PDE2A: variants seen among roughly 807,000 people sequenced by gnomAD.
PDE2A encodes cGMP-dependent 3',5'-cyclic phosphodiesterase.
Under a neutral mutation model 133.6 loss-of-function variants are expected in PDE2A, and 53 were observed. The ratio of observed to expected loss-of-function variants is 0.40; its 90% CI spans 0.32 to 0.50. The LOEUF (loss-of-function observed/expected upper bound fraction) is 0.50. PDE2A is among the 20% of genes least tolerant of loss of function. The pLI, the probability that PDE2A is intolerant of heterozygous loss-of-function variation, is 0.73. For missense variants in PDE2A, 796 were observed against 1,232.4 expected (o/e 0.65, Z 5.30); for synonymous variants, 491 against 490.2 (o/e 1.00, Z -0.02).
At chr11:72,599,933 G>C (rs935942407) in intron 4 of PDE2A, among the ~76,000 whole-genome samples, 1 of 152,238 alleles carries the variant, frequency 6.6e-6, no homozygotes, top group Non-Finnish European at 1.5e-5. Context: ...TGGAGTCAGA[G>C]AAGGCTTCCT....
intron 13 of PDE2A, chr11:72,587,653 G>A (rs1387043909): frequency 6.6e-6 from 1 of 152,188 alleles, no homozygotes; most frequent in African/African-American, 2.4e-5. Flanking sequence ...GGTCAGCACT[G>A]GGATGGCAAC....
intron 2 of PDE2A, among the ~76,000 whole-genome samples, chr11:72,640,358 G>A (rs1181928946): frequency 6.6e-6 from 1 of 151,648 alleles, no homozygotes; most frequent in Admixed American, 6.6e-5. Context: ...AGCGCTGCTG[G>A]CCCACTGCCT....
In PDE2A at chr11:72,590,591, C is replaced by G. The variant is rs1434322769; in HGVS notation, c.550-11G>C. 5.1e-6 allele frequency: 7 copies of G among 1,360,270 alleles called. No homozygotes were observed. The African/African-American group carries it at 9.2e-5, about 18-fold the overall frequency. 84.3% of individuals were successfully genotyped at this position (1,360,270 alleles called of 1,614,324 possible). A position where few individuals can be genotyped will look rare whatever the true frequency, so the allele number is the denominator to read the frequency against. ...CAGGGCGACCAGGGTCTGGGGCAGG[C>G]CGAGCGGTTAGCGCGCCGCTCGCCC... On this transcript the variant is annotated splice_polypyrimidine_tract_variant and intron_variant, in intron 7 of 30. Transcript: ENST00000334456. The surrounding 1 kb of genome is among the most constrained non-coding windows in gnomAD (Gnocchi z 4.8).
chr11:72,583,908 G>A (rs1339245234), intron 19 of PDE2A, among the ~76,000 whole-genome samples: 2 of 152,124 alleles, frequency 1.3e-5, no homozygotes, highest in South Asian at 2.1e-4. Flanking sequence ...AAAAGCACTC[G>A]GCTTGGGTTG....
At chr11:72,639,419 T>C (rs954924826) in intron 2 of PDE2A, among the ~76,000 whole-genome samples, 14 of 152,162 alleles carry the variant, frequency 9.2e-5, no homozygotes, top group African/African-American at 3.4e-4. Flanking sequence ...CCCGCTGACA[T>C]GAGCCAGGAA....
chr11:72,655,930 G>A (rs901135541), intron 1 of PDE2A, among the ~76,000 whole-genome samples: 9 of 152,180 alleles, frequency 5.9e-5, no homozygotes, highest in Admixed American at 5.9e-4. Flanking sequence ...CAGCCTCAGA[G>A]GAAGACCTGC....
chr11:72,645,003 C>A (rs1469823794), intron 1 of PDE2A, among the ~76,000 whole-genome samples: 1 of 152,246 alleles, frequency 6.6e-6, no homozygotes, highest in Admixed American at 6.5e-5. Context: ...GATCCACCCA[C>A]CTCAGCCTCC....
rs1358988279 is a variant in PDE2A at position 72,672,169 on chromosome 11, CTTCT to C, written c.71+1964_71+1967del. 3.5e-5 allele frequency among the ~76,000 whole-genome samples: 4 copies of C among 115,332 alleles called. 1 individual carries two copies. Among genetic ancestry groups the C allele is most frequent in the Admixed American group, 8.2e-5 (1 of 12,146 alleles). 75.7% of individuals were successfully genotyped at this position (115,332 alleles called of 152,430 possible). The stretch of plus-strand genomic sequence containing the variant: ...CGAGGCAGGTTTCTTTATTTTTCTT[CTTCT>C]TTTTTTTTTTCTTCTTTTGAGACAG... On this transcript the variant is annotated intron_variant, in intron 1 of 30. Coordinates refer to ENST00000334456, the MANE Select transcript of PDE2A (RefSeq NM_002599.5).
In PDE2A at chr11:72,577,601, G is replaced by T. The variant is rs368821231; in HGVS notation, c.2616-7C>A. ...GAACAGGTCCTGCAACAGCCTGCGG[G>T]TGCATGGGGGGCAGAGGGCGAGAGG... On this transcript the variant is annotated splice_polypyrimidine_tract_variant and splice_region_variant and intron_variant, in intron 30 of 30. Coordinates refer to ENST00000334456, the MANE Select transcript of PDE2A (RefSeq NM_002599.5). 1.4e-5 allele frequency: 21 copies of T among 1,539,508 alleles called. No homozygotes were observed. In the African/African-American group the frequency reaches 3.4e-4, roughly 25 times the overall value.
rs1325772079 is a variant in PDE2A, at chr11:72,598,458, A to G, written c.324-839T>C. The G allele has an allele frequency of 4.8e-6, 6 of 1,251,696 alleles. No individual in the cohort carries two copies. The African/African-American group carries it at 7.7e-5, about 16-fold the overall frequency. The allele number at this position is 1,251,696 out of a possible 1,614,324, so 77.5% of individuals were successfully genotyped here. A position where few individuals can be genotyped will look rare whatever the true frequency, so the allele number is the denominator to read the frequency against. ...GAGTTTCTCTCTGTCCCACCACACA[A>G]CCCACCTCCTCTACCCCCCAGCCTC... On this transcript the variant is annotated intron_variant, in intron 4 of 30. Coordinates refer to ENST00000334456, the MANE Select transcript of PDE2A (RefSeq NM_002599.5).
chr11:72,668,569 G>T lies in PDE2A; in HGVS notation c.71+5568C>A. On this transcript the variant is annotated intron_variant, in intron 1 of 30. Coordinates refer to ENST00000334456, the MANE Select transcript of PDE2A (RefSeq NM_002599.5). ...TCACCTTTGGGCTCCACACAGCCCA[G>T]CACCCACCAGGGCCGGCCCTCGGCC... 3 of 676,034 alleles carry T rather than the reference G, an allele frequency of 4.4e-6. No homozygotes were observed. In the South Asian group the frequency reaches 4.6e-5, roughly 10 times the overall value. 41.9% of individuals were successfully genotyped at this position (676,034 alleles called of 1,614,324 possible).
rs1280479834 is a variant in PDE2A, at chr11:72,579,796, AGT to A, written c.2182-190_2182-189del. 1.6e-3 allele frequency: 936 copies of A among 594,096 alleles called. 5 individuals are homozygous for A. Among genetic ancestry groups the A allele is most frequent in the African/African-American group, 0.016 (844 of 53,830 alleles). The allele number at this position is 594,096 out of a possible 1,614,324, so 36.8% of individuals were successfully genotyped here. A position where few individuals can be genotyped will look rare whatever the true frequency, so the allele number is the denominator to read the frequency against. On this transcript the variant is annotated intron_variant, in intron 25 of 30. Coordinates refer to ENST00000334456, the MANE Select transcript of PDE2A (RefSeq NM_002599.5). ...TCAACCCTCTGTGTGACCCAGGGTG[AGT>A]CCCTAGACCACTCTGAGCCTCAGAC...
intron 6 of PDE2A, among the ~76,000 whole-genome samples, chr11:72,593,920 C>T (rs1041077541): frequency 6.6e-6 from 1 of 152,192 alleles, no homozygotes; most frequent in African/African-American, 2.4e-5. Context: ...ACTTGTTTTG[C>T]AGTATTTTTG....
chr11:72,618,358 C>T (rs1857580691), intron 2 of PDE2A, among the ~76,000 whole-genome samples: 2 of 152,234 alleles, frequency 1.3e-5, no homozygotes, highest in South Asian at 4.1e-4. Flanking sequence ...GCTCTTCCTG[C>T]TCTGGCCCTC....
Position 72,582,510 on chromosome 11 carries a change from G to A in PDE2A, c.1785C>T (p.Ala595=), listed in dbSNP as rs757657789. 4.1e-5 allele frequency: 66 copies of A among 1,613,322 alleles called. No homozygotes were observed. The highest frequency in any genetic ancestry group is 5.1e-5 in the Non-Finnish European group (60 of 1,179,392). The change falls in exon 21 of 31, where the codon GCC becomes GCT. Residue 595 remains alanine (A), a synonymous_variant. Coordinates refer to ENST00000334456, the MANE Select transcript of PDE2A (RefSeq NM_002599.5). ...TGAAACTTGCAAAATTGGAGTCAAT[G>A]GCAGCCACAGGCTGGATCCCATCAT... The part of the protein sequence containing the change: ...LLHDGIQPVA[A]IDSNFASFTY...
chr11:72,590,075 G>T lies in PDE2A; in HGVS notation c.757-94C>A. On this transcript the variant is annotated intron_variant, in intron 9 of 30. Transcript: ENST00000334456. The surrounding 1 kb of genome is among the most constrained non-coding windows in gnomAD (Gnocchi z 4.8). ...CCTCTCCGGGGCTCTTCAGGCGGGT[G>T]GAGGAGAGAGGAAGGAAGGACATCG... The T allele has an allele frequency of 7.2e-7, 1 of 1,395,308 alleles. No individual in the cohort carries two copies. Among genetic ancestry groups the T allele is most frequent in the Non-Finnish European group, 9.9e-7 (1 of 1,010,756 alleles). 86.4% of individuals were successfully genotyped at this position (1,395,308 alleles called of 1,614,324 possible).
chr11:72,635,710 C>A (rs1858647210), intron 2 of PDE2A, among the ~76,000 whole-genome samples: 1 of 152,210 alleles, frequency 6.6e-6, no homozygotes, highest in Admixed American at 6.5e-5. Flanking sequence ...TGAGAAAATG[C>A]AGCCCAGAAA....
Position 72,584,531 on chromosome 11 carries a change from G to T in PDE2A, c.1537+20C>A, listed in dbSNP as rs554973856. On this transcript the variant is annotated intron_variant, in intron 18 of 30. Coordinates refer to ENST00000334456, the MANE Select transcript of PDE2A (RefSeq NM_002599.5). ...CGCCCGGCGCAGGCCCCGCCCCTCC[G>T]CCCGGGCCGCCACGCGCACCCTGGT... The T allele has an allele frequency of 6.3e-7, 1 of 1,576,388 alleles. No homozygotes were observed. The highest frequency in any genetic ancestry group is 8.6e-7 in the Non-Finnish European group (1 of 1,161,514).
chr11:72,636,676 T>C (rs946323249), intron 2 of PDE2A, among the ~76,000 whole-genome samples: 2 of 152,096 alleles, frequency 1.3e-5, no homozygotes, highest in Non-Finnish European at 2.9e-5. Flanking sequence ...TCCCTTGCCC[T>C]TCACGTCTAC....
Sources: allele counts gnomAD v4.1 joint callset (sites outside exome capture counted in the v4.1 genomes callset), GRCh38; gene constraint gnomAD v4.1.1; non-coding constraint Gnocchi (gnomAD v3.1); transcripts MANE v1.5; gene names NCBI Gene and HGNC (gene_info 2026-07-23, HGNC 2026-07-21).